The following ANKRD44 variants were observed in gnomAD, a reference collection of about 807,000 sequenced individuals.
ANKRD44 encodes the protein ankyrin repeat domain 44, also known as serine/threonine-protein phosphatase 6 regulatory ankyrin repeat subunit B.
Under a neutral mutation model 116.0 loss-of-function variants are expected in ANKRD44, and 35 were observed. The ratio of observed to expected loss-of-function variants is 0.30; its 90% CI spans 0.23 to 0.40. The LOEUF (loss-of-function observed/expected upper bound fraction) is 0.40, where lower values mean the gene tolerates loss of function less well. Ranked by LOEUF, ANKRD44 falls within the 10% of genes least tolerant of loss-of-function variation. The pLI is 1.00. For missense variants in ANKRD44, 1,014 were observed against 1,242.6 expected, an observed-to-expected ratio of 0.82 and a Z score of 2.77; for synonymous variants, 435 against 461.8, an observed-to-expected ratio of 0.94 and a Z score of 0.74.
chr2:197,108,319 G>A (rs912200688), intron 9 of ANKRD44, among the ~76,000 whole-genome samples: 1 of 152,146 alleles, frequency 6.6e-6, no homozygotes, highest in Non-Finnish European at 1.5e-5. Flanking sequence ...CCAAGTGCCT[G>A]GCACACTATG....
intron 1 of ANKRD44, among the ~76,000 whole-genome samples, chr2:197,263,907 A>G (rs2082675360): frequency 6.6e-6 from 1 of 151,478 alleles, no homozygotes; most frequent in Non-Finnish European, 1.5e-5. Flanking sequence ...TATGTGATTG[A>G]TTCTGGCTAA....
At chr2:197,274,969 G>A (rs1391265910) in intron 1 of ANKRD44, among the ~76,000 whole-genome samples, 1 of 152,074 alleles carries the variant, frequency 6.6e-6, no homozygotes, top group Admixed American at 6.5e-5. Flanking sequence ...AGGTGTGGTG[G>A]CATGCACCTG....
chr2:197,013,409 G>T (rs915997795), intron 18 of ANKRD44, 102 bp downstream of exon 18: 2 of 1,301,362 alleles, frequency 1.5e-6, no homozygotes, highest in African/African-American at 1.5e-5. Flanking sequence ...AAAGAAAATT[G>T]ATATTTAAAA....
At chr2:197,070,642 T>G (rs1425402924) in intron 16 of ANKRD44, among the ~76,000 whole-genome samples, 1 of 152,124 alleles carries the variant, frequency 6.6e-6, no homozygotes, top group Non-Finnish European at 1.5e-5. Context: ...GAATTCTATT[T>G]GGTAATTTGT....
chr2:197,105,609 T>C (rs1450570194), intron 9 of ANKRD44, among the ~76,000 whole-genome samples: 1 of 152,328 alleles, frequency 6.6e-6, no homozygotes, highest in Non-Finnish European at 1.5e-5. Flanking sequence ...TTAATTTTAG[T>C]TTACGGTGAG....
chr2:197,047,199 C>A (rs926372417), intron 16 of ANKRD44, among the ~76,000 whole-genome samples: 1 of 151,980 alleles, frequency 6.6e-6, no homozygotes, highest in Non-Finnish European at 1.5e-5. Context: ...TTTATATTTT[C>A]AGTAGAGACG....
intron 25 of ANKRD44, among the ~76,000 whole-genome samples, chr2:196,995,747 C>T (rs946730129): frequency 5.3e-5 from 8 of 152,118 alleles, no homozygotes; most frequent in Non-Finnish European, 1.0e-4. Context: ...AAAGCAGATG[C>T]TAGTTCAGCT....
chr2:197,308,234 C>A (rs1359090250), intron 1 of ANKRD44, among the ~76,000 whole-genome samples: 6 of 151,684 alleles, frequency 4.0e-5, no homozygotes, highest in Non-Finnish European at 7.4e-5. Context: ...GAATGGAGAG[C>A]AAGGTACTCC....
At chr2:197,017,656 T>C (rs1011048566) in intron 17 of ANKRD44, among the ~76,000 whole-genome samples, 1 of 152,246 alleles carries the variant, frequency 6.6e-6, no homozygotes, top group Admixed American at 6.5e-5. Flanking sequence ...TCCAGCTGCC[T>C]ATTGATGTTC....
intron 1 of ANKRD44, among the ~76,000 whole-genome samples, chr2:197,306,631 C>T (rs1004467114): frequency 1.3e-5 from 2 of 152,210 alleles, no homozygotes; most frequent in Admixed American, 1.3e-4. Flanking sequence ...TGCTTTAACA[C>T]CAGTGCTCTA....
chr2:197,024,782 T>C (rs968733162), intron 17 of ANKRD44, among the ~76,000 whole-genome samples: 2 of 152,254 alleles, frequency 1.3e-5, no homozygotes, highest in African/African-American at 4.8e-5. Flanking sequence ...TGAAACATCC[T>C]GCCAGTTTTT....
chr2:197,177,481 T>G (rs988410783), intron 2 of ANKRD44, among the ~76,000 whole-genome samples: 1 of 151,936 alleles, frequency 6.6e-6, no homozygotes, highest in Non-Finnish European at 1.5e-5. Flanking sequence ...CACTGAAATG[T>G]GCTCTACACT....
intron 17 of ANKRD44, chr2:197,015,898 CA>C: frequency 1.9e-6 from 1 of 521,996 alleles, no homozygotes; most frequent in South Asian, 1.5e-5. Context: ...TGGGCGACAG[CA>C]ATCAAATTTT....
chr2:197,275,569 G>A lies in ANKRD44; in HGVS notation c.27+35009C>T, dbSNP rs140964411. 1.6e-3 allele frequency among the ~76,000 whole-genome samples: 251 copies of A among 152,162 alleles called. 1 individual carries two copies. The highest frequency in any genetic ancestry group is 5.9e-3 in the African/African-American group (244 of 41,488). On this transcript the variant is annotated intron_variant, in intron 1 of 27. Transcript: ENST00000282272. ...CAAATATGTACAGAGCACCATGTTG[G>A]GGGGGTGGGCAACCTGCTGGGACCA...
chr2:197,153,286 A>AAGGAGGAGG (rs1222015085), intron 2 of ANKRD44, among the ~76,000 whole-genome samples: 5 of 150,344 alleles, frequency 3.3e-5, no homozygotes, highest in Non-Finnish European at 7.4e-5. Context: ...GAAGAGGAAG[A>AAGGAGGAGG]AGGAGGAGGA....
intron 1 of ANKRD44, among the ~76,000 whole-genome samples, chr2:197,279,334 G>A (rs951698831): frequency 2.0e-5 from 3 of 152,082 alleles, no homozygotes; most frequent in Non-Finnish European, 2.9e-5. Flanking sequence ...CGCAGTCCAG[G>A]CAGTAAACAA....
intron 1 of ANKRD44, 30 bp downstream of exon 1, chr2:197,310,548 G>T: frequency 8.8e-7 from 1 of 1,130,770 alleles, no homozygotes. Flanking sequence ...GCGCCCGCGC[G>T]TCCCGCCCGC....
At chr2:196,967,157 T>C (rs927783158) in exon 22 of ANKRD44, 2 of 194,212 alleles carry the variant, frequency 1.0e-5, no homozygotes, top group Admixed American at 5.1e-5. Context: ...TCTAGAAATA[T>C]TACCCAGTTC....
intron 16 of ANKRD44, among the ~76,000 whole-genome samples, chr2:197,061,494 GA>G (rs2077311200): frequency 6.6e-6 from 1 of 152,188 alleles, no homozygotes; most frequent in South Asian, 2.1e-4. Flanking sequence ...TACCACTACA[GA>G]AAGTAAAAAC....
Sources: allele counts gnomAD v4.1 joint callset (sites outside exome capture counted in the v4.1 genomes callset), GRCh38; gene constraint gnomAD v4.1.1; transcripts MANE v1.5; gene names NCBI Gene and HGNC (gene_info 2026-07-23, HGNC 2026-07-21).